Variants in NDUFAF6 observed in about 807,000 individuals in gnomAD.
NDUFAF6 encodes the protein NADH dehydrogenase (ubiquinone) complex I, assembly factor 6.
NDUFAF6 carries 45 observed loss-of-function variants against 40.8 expected under a neutral mutation model. That is an observed-to-expected ratio of 1.10 (90% CI 0.87 to 1.42). The LOEUF (loss-of-function observed/expected upper bound fraction) is 1.42, where lower values mean the gene tolerates loss of function less well. NDUFAF6 is among the 40% of genes most tolerant of loss of function. The pLI, the probability that NDUFAF6 is intolerant of heterozygous loss-of-function variation, is 0.00. For synonymous variants in NDUFAF6, 185 were observed against 155.9 expected, an observed-to-expected ratio of 1.19 and a Z score of -1.39; for missense variants, 435 against 418.5, an observed-to-expected ratio of 1.04 and a Z score of -0.34.
chr8:94,908,445 C>A (rs961752329), intron 1 of NDUFAF6, among the ~76,000 whole-genome samples: 1 of 152,210 alleles, frequency 6.6e-6, no homozygotes, highest in African/African-American at 2.4e-5. Context: ...TCATAGCTCA[C>A]TATGGACTCA....
chr8:94,994,820 G>C (rs1826349463), intron 2 of NDUFAF6, among the ~76,000 whole-genome samples: 2 of 152,098 alleles, frequency 1.3e-5, no homozygotes, highest in African/African-American at 2.4e-5. Flanking sequence ...TGGAGACCCT[G>C]TCTCAAAAAA....
intron 8 of NDUFAF6, among the ~76,000 whole-genome samples, chr8:95,055,033 C>T (rs1338955509): frequency 6.6e-6 from 1 of 152,086 alleles, no homozygotes; most frequent in African/African-American, 2.4e-5. Flanking sequence ...AGTTTATTTA[C>T]CATCAGCCAG....
chr8:95,048,705 T>G (rs1263439025), intron 7 of NDUFAF6, 147 bp downstream of exon 7: 10 of 707,914 alleles, frequency 1.4e-5, no homozygotes, highest in Admixed American at 2.3e-5. Context: ...CGGAGTCTGT[T>G]GTAAACTTTT....
intron 6 of NDUFAF6, 141 bp downstream of exon 6, chr8:95,047,268 T>C: frequency 1.7e-6 from 2 of 1,192,946 alleles, no homozygotes; most frequent in Non-Finnish European, 2.4e-6. Context: ...CCTTCCTCTT[T>C]TTATCCCAGA....
At chr8:95,011,914 T>C (rs1429065249) in intron 2 of NDUFAF6, among the ~76,000 whole-genome samples, 1 of 152,200 alleles carries the variant, frequency 6.6e-6, no homozygotes, top group Non-Finnish European at 1.5e-5. Context: ...GCCTATCTCT[T>C]TCCTGTACTG....
downstream of NDUFAF6, among the ~76,000 whole-genome samples, chr8:95,105,291 A>T (rs1170035570): frequency 6.6e-6 from 1 of 152,216 alleles, no homozygotes; most frequent in Non-Finnish European, 1.5e-5. Context: ...GCAGATGTCT[A>T]GCTGAGGTAT....
intron 9 of NDUFAF6, chr8:95,068,918 C>G (rs1181921599): frequency 6.6e-6 from 1 of 151,676 alleles, no homozygotes; most frequent in Non-Finnish European, 1.5e-5. Context: ...AATTCTCATC[C>G]TTTTAGGTTT....
At chr8:95,041,347 G>A (rs1830127074) in intron 3 of NDUFAF6, among the ~76,000 whole-genome samples, 1 of 152,196 alleles carries the variant, frequency 6.6e-6, no homozygotes. Context: ...AAAAAGACAA[G>A]TTAGTAGAAA....
intron 2 of NDUFAF6, among the ~76,000 whole-genome samples, chr8:95,003,509 T>C (rs928374910): frequency 6.6e-6 from 1 of 152,174 alleles, no homozygotes; most frequent in Non-Finnish European, 1.5e-5. Context: ...TCTAAAATGC[T>C]ATTAGAGACA....
At chr8:95,009,892 ATTG>A (rs1207345641) in intron 2 of NDUFAF6, among the ~76,000 whole-genome samples, 2 of 152,204 alleles carry the variant, frequency 1.3e-5, no homozygotes, top group Admixed American at 6.5e-5. Flanking sequence ...TAAAGTAATG[ATTG>A]TTGTTTCTTT....
upstream of NDUFAF6, chr8:95,023,196 A>G (rs1282611694): frequency 6.6e-6 from 1 of 152,236 alleles, no homozygotes; most frequent in Non-Finnish European, 1.5e-5. Context: ...GAAGCACCAC[A>G]GTGGACTTGT....
chr8:94,911,016 T>G (rs1818745987), intron 1 of NDUFAF6, among the ~76,000 whole-genome samples: 1 of 152,200 alleles, frequency 6.6e-6, no homozygotes, highest in Non-Finnish European at 1.5e-5. Context: ...AAGATCTTAC[T>G]TTGGAGAAAA....
At chr8:95,077,103 G>C (rs147135716), downstream of NDUFAF6, among the ~76,000 whole-genome samples, 778 of 152,278 alleles carry the variant, frequency 5.1e-3, 6 homozygotes, top group Middle Eastern at 0.02. Flanking sequence ...CCATCTATAA[G>C]CCAAGGAGGG....
chr8:94,943,334 A>T (rs4734293), intron 1 of NDUFAF6, among the ~76,000 whole-genome samples: 95,018 of 152,026 alleles, frequency 0.63, 30,645 homozygotes, highest in East Asian at 0.78. Flanking sequence ...AAAAAATTTT[A>T]AAAAATTAGC....
At chr8:94,924,724 C>A (rs1180419988) in intron 1 of NDUFAF6, among the ~76,000 whole-genome samples, 2 of 151,806 alleles carry the variant, frequency 1.3e-5, no homozygotes, top group Non-Finnish European at 2.9e-5. Flanking sequence ...CCTGCCATTC[C>A]AGAGTAGGGT....
chr8:95,048,861 G>A (rs1233906515), intron 7 of NDUFAF6, among the ~76,000 whole-genome samples: 1 of 152,136 alleles, frequency 6.6e-6, no homozygotes, highest in Non-Finnish European at 1.5e-5. Context: ...TGCCTTCCAA[G>A]GCTGATGCCT....
chr8:95,080,225 A>AT (rs1808782730), downstream of NDUFAF6, among the ~76,000 whole-genome samples: 1 of 140,474 alleles, frequency 7.1e-6, no homozygotes, highest in African/African-American at 2.6e-5. Flanking sequence ...TTTGTAGTGT[A>AT]TTTTTTGTAG....
At chr8:94,953,088 C>T (rs1822760357), upstream of NDUFAF6, among the ~76,000 whole-genome samples, 1 of 152,202 alleles carries the variant, frequency 6.6e-6, no homozygotes, top group Non-Finnish European at 1.5e-5. Flanking sequence ...TGGCTTACGC[C>T]TGTAATCCCA....
At chr8:94,958,246 GA>G (rs1311765999) in intron 1 of NDUFAF6, 8 of 152,398 alleles carry the variant, frequency 5.2e-5, no homozygotes, top group African/African-American at 1.9e-4. Flanking sequence ...AAGAACTGCA[GA>G]TTGGGCATCT....
Sources: allele counts gnomAD v4.1 joint callset (sites outside exome capture counted in the v4.1 genomes callset), GRCh38; gene constraint gnomAD v4.1.1; transcripts MANE v1.5; gene names NCBI Gene and HGNC (gene_info 2026-07-23, HGNC 2026-07-21).